SPINK4: variants seen among roughly 807,000 people sequenced by gnomAD.
SPINK4 encodes the protein serine peptidase inhibitor Kazal type 4, also known as serine protease inhibitor Kazal-type 4.
A neutral mutation model predicts 12.3 loss-of-function variants in SPINK4; 10 were observed. That is an observed-to-expected ratio of 0.81 (90% CI 0.50 to 1.37). SPINK4 has a LOEUF of 1.37. SPINK4 is among the 40% of genes most tolerant of loss of function. The pLI, the probability that SPINK4 is intolerant of heterozygous loss-of-function variation, is 0.00. For synonymous variants in SPINK4, 37 were observed against 40.2 expected, an observed-to-expected ratio of 0.92 and a Z score of 0.30; for missense variants, 91 against 109.0, an observed-to-expected ratio of 0.84 and a Z score of 0.73.
intron 2 of SPINK4, among the ~76,000 whole-genome samples, chr9:33,246,415 C>T (rs1820285527): frequency 6.6e-6 from 1 of 152,194 alleles, no homozygotes; most frequent in South Asian, 2.1e-4. Flanking sequence ...GCCATAGGCA[C>T]ACACGTGGTC....
chr9:33,248,007 T>G, intron 3 of SPINK4: 1 of 183,036 alleles, frequency 5.5e-6, no homozygotes. Context: ...TGGTTTCTGA[T>G]TTGTGGGCTT....
rs550091009 is a variant in SPINK4 at position 33,244,995 on chromosome 9, G to A, written c.62-117G>A. 224 of 930,060 alleles carry A rather than the reference G, an allele frequency of 2.4e-4. No homozygotes were observed. In the Middle Eastern group the frequency reaches 3.2e-3, roughly 13 times the overall value. The allele number at this position is 930,060 out of a possible 1,614,324, so 57.6% of individuals were successfully genotyped here. A position where few individuals can be genotyped will look rare whatever the true frequency, so the allele number is the denominator to read the frequency against. On this transcript the variant is annotated intron_variant, in intron 1 of 3. Coordinates refer to ENST00000379721, the MANE Select transcript of SPINK4 (RefSeq NM_014471.3). ...CTGGTGGCTCATCACCTTTCCTTGAGGAATTCCAGGTTGGGTAGTTGCTGG... is the reference window on the plus strand; with the variant it reads ...CTGGTGGCTCATCACCTTTCCTTGAAGAATTCCAGGTTGGGTAGTTGCTGG...
At chr9:33,246,267 T>C (rs1820284237) in intron 2 of SPINK4, among the ~76,000 whole-genome samples, 1 of 152,032 alleles carries the variant, frequency 6.6e-6, no homozygotes, top group African/African-American at 2.4e-5. Context: ...TTAGTGCCTC[T>C]GAAGAGGGTG....
chr9:33,244,839 T>C (rs1296223472), intron 1 of SPINK4, among the ~76,000 whole-genome samples: 3 of 152,222 alleles, frequency 2.0e-5, no homozygotes, highest in African/African-American at 4.8e-5. Flanking sequence ...ATAATTATTA[T>C]ATGGGACACA....
At chr9:33,240,798 GCCATC>G (rs1254243168) in intron 1 of SPINK4, among the ~76,000 whole-genome samples, 1 of 152,160 alleles carries the variant, frequency 6.6e-6, no homozygotes, top group Non-Finnish European at 1.5e-5. Flanking sequence ...CAGGATCTGG[GCCATC>G]CCTGCAATCT....
intron 1 of SPINK4, among the ~76,000 whole-genome samples, chr9:33,240,688 G>C (rs1330233789): frequency 9.9e-5 from 15 of 152,158 alleles, no homozygotes; most frequent in Admixed American, 7.9e-4. Flanking sequence ...CTGAGCTCCC[G>C]ATCTCTCTGA....
intron 3 of SPINK4, chr9:33,248,111 T>TA (rs1310285084): frequency 5.6e-6 from 2 of 354,476 alleles, no homozygotes; most frequent in African/African-American, 4.1e-5. Context: ...GTTGAGCCCC[T>TA]AGGACATCCC....
Position 33,246,693 on chromosome 9 carries a change from A to G in SPINK4, c.180A>G (p.Thr60=), listed in dbSNP as rs1022982368. 2 of 1,613,978 alleles carry G rather than the reference A, an allele frequency of 1.2e-6. No homozygotes were observed. The highest frequency in any genetic ancestry group is 1.3e-5 in the African/African-American group (1 of 74,988). ...TGGTCTGCGGCACTGATGGGCTCAC[A>G]TATACGAATGAATGCCAGCTCTGCT... ...SNLVCGTDGL[T]YTNECQLCLA... is the part of the protein sequence containing the mutation. Residue 60 remains threonine, a synonymous_variant, in exon 3 of 4, where the codon ACA becomes ACG. Coordinates refer to ENST00000379721, the MANE Select transcript of SPINK4 (RefSeq NM_014471.3).
In SPINK4 at chr9:33,245,048, C is replaced by T. The variant is rs1168614603; in HGVS notation, c.62-64C>T. On this transcript the variant is annotated intron_variant, in intron 1 of 3. Transcript: ENST00000379721. ...CAAGCTCCCTGAAGCAGAAGCAGTC[C>T]TCAGACCCCTAGACCTGGGGTCTAG... 4 of 1,552,982 alleles carry T rather than the reference C, an allele frequency of 2.6e-6. No homozygotes were observed. The African/African-American group carries it at 4.1e-5, about 16-fold the overall frequency.
intron 1 of SPINK4, among the ~76,000 whole-genome samples, chr9:33,243,471 A>G (rs941369482): frequency 6.6e-6 from 1 of 152,168 alleles, no homozygotes; most frequent in East Asian, 1.9e-4. Context: ...CAGCTTCCCA[A>G]TGTGATTTTT....
In SPINK4 at chr9:33,244,283, C is replaced by T. The variant is rs186685810; in HGVS notation, c.62-829C>T. ...GAGTCAGGCTCTGGACTGCAACAGA[C>T]GTGTGGGAAAATCCTACCTCTGCCT... On this transcript the variant is annotated intron_variant, in intron 1 of 3. Transcript: ENST00000379721. 9.2e-5 allele frequency among the ~76,000 whole-genome samples: 14 copies of T among 152,322 alleles called. No individual in the cohort carries two copies. In the East Asian group the frequency reaches 1.7e-3, roughly 19 times the overall value.
chr9:33,245,285 C>A (rs950993809), intron 2 of SPINK4, 133 bp downstream of exon 2: 16 of 911,414 alleles, frequency 1.8e-5, no homozygotes, highest in Non-Finnish European at 2.6e-5. Context: ...CCAAGGTGGC[C>A]TCCTGGCCTG....
At chr9:33,244,329 C>T (rs896725837) in intron 1 of SPINK4, among the ~76,000 whole-genome samples, 3 of 152,204 alleles carry the variant, frequency 2.0e-5, no homozygotes, top group Non-Finnish European at 2.9e-5. Context: ...CATTGCGTCA[C>T]CTCTTTGAGC....
rs776369728 is a variant in SPINK4 at position 33,246,700 on chromosome 9, A to G, written c.187A>G (p.Asn63Asp). The G allele has an allele frequency of 2.7e-5, 43 of 1,613,762 alleles. No homozygotes were observed. Among genetic ancestry groups the G allele is most frequent in the Non-Finnish European group, 3.2e-5 (38 of 1,179,974 alleles). ...VCGTDGLTYTNECQLCLARIK... is the reference protein window; with the variant it reads ...VCGTDGLTYTDECQLCLARIK... Reference sequence around the variant, plus strand: ...CGGCACTGATGGGCTCACATATACGAATGAATGCCAGCTCTGCTTGGCCCG... The same window carrying G: ...CGGCACTGATGGGCTCACATATACGGATGAATGCCAGCTCTGCTTGGCCCG... The change falls in exon 3 of 4, where the codon AAT becomes GAT. Residue 63 changes from asparagine (N) to aspartate (D), a missense_variant. By Grantham distance (23) the Asn-to-Asp change is conservative (BLOSUM62 1). Transcript: ENST00000379721.
intron 2 of SPINK4, among the ~76,000 whole-genome samples, chr9:33,245,469 G>A (rs894286258): frequency 6.6e-6 from 1 of 152,188 alleles, no homozygotes; most frequent in African/African-American, 2.4e-5. Flanking sequence ...GCTCTGTATA[G>A]TGCAGACAGG....
At chr9:33,241,374 G>C (rs975180728) in intron 1 of SPINK4, among the ~76,000 whole-genome samples, 5 of 152,314 alleles carry the variant, frequency 3.3e-5, no homozygotes, top group African/African-American at 1.2e-4. Flanking sequence ...GTCTTTCAAG[G>C]GTTGCTCTGG....
chr9:33,241,163 C>A (rs1820230730), intron 1 of SPINK4, among the ~76,000 whole-genome samples: 1 of 151,946 alleles, frequency 6.6e-6, no homozygotes, highest in South Asian at 2.1e-4. Context: ...GTGCAAAGGA[C>A]CTGAGGCAGG....
chr9:33,240,614 G>A (rs1161538991), intron 1 of SPINK4, among the ~76,000 whole-genome samples: 2 of 152,228 alleles, frequency 1.3e-5, no homozygotes, highest in Non-Finnish European at 2.9e-5. Flanking sequence ...CAGCTCTCAG[G>A]AGAGACTGAC....
chr9:33,240,295 T>C (rs1360248931), intron 1 of SPINK4, 26 bp downstream of exon 1: 1 of 1,577,792 alleles, frequency 6.3e-7, no homozygotes, highest in East Asian at 2.4e-5. Context: ...CTGGATTCTC[T>C]GTGGCTTTGT....
Sources: gnomAD v4.1 joint callset for allele counts (sites outside exome capture counted in the v4.1 genomes callset) on GRCh38, gnomAD v4.1.1 for gene constraint, MANE v1.5 for transcripts, NCBI Gene and HGNC (gene_info 2026-07-23, HGNC 2026-07-21) for gene names.